The following NCAN variants were observed in gnomAD, a reference collection of about 807,000 sequenced individuals.
NCAN encodes neurocan.
Under a neutral mutation model 121.8 loss-of-function variants are expected in NCAN, and 47 were observed. That is an observed-to-expected ratio of 0.39 (90% CI 0.31 to 0.49). The LOEUF is 0.49. Ranked by LOEUF, NCAN falls within the 20% of genes least tolerant of loss-of-function variation. The pLI is 0.92. For synonymous variants in NCAN, 633 were observed against 702.0 expected (o/e 0.90, Z 1.55); for missense variants, 1,517 against 1,773.4 (o/e 0.86, Z 2.60).
chr19:19,234,028 T>C, intron 9 of NCAN, 123 bp downstream of exon 9: 1 of 636,438 alleles, frequency 1.6e-6, no homozygotes. Flanking sequence ...GATGCTCCAT[T>C]CCCAAACCCC....
intron 12 of NCAN, among the ~76,000 whole-genome samples, chr19:19,242,188 C>T (rs1176038569): frequency 6.6e-6 from 1 of 151,958 alleles, no homozygotes; most frequent in East Asian, 1.9e-4. Context: ...GAGCAGGACT[C>T]CATCTCCAAA....
chr19:19,228,586 G>A lies in NCAN; in HGVS notation c.2966G>A (p.Ser989Asn), dbSNP rs765250476. ...GVESFWEEVA[S>N]GEEPALPGTP... ...GAGAGCTTCTGGGAGGAGGTGGCAA[G>A]TGGAGAGGAGCCAGCCCTGCCAGGG... The change falls in exon 8 of 15, where the codon AGT (serine) becomes AAT (asparagine). Residue 989 changes from serine to asparagine, a missense_variant. Ser to Asn is a conservative substitution (Grantham distance 46). Coordinates refer to ENST00000252575, the MANE Select transcript of NCAN (RefSeq NM_004386.3). 2.5e-5 allele frequency: 41 copies of A among 1,612,784 alleles called. No homozygotes were observed. The highest frequency in any genetic ancestry group is 3.3e-5 in the Non-Finnish European group (39 of 1,179,926).
In NCAN at chr19:19,219,030, G is replaced by A; in HGVS notation, c.189G>A (p.Leu63=). Residue 63 remains leucine, a synonymous_variant, in exon 3 of 15, where the codon CTG becomes CTA. Coordinates refer to ENST00000252575, the MANE Select transcript of NCAN (RefSeq NM_004386.3). The part of the protein sequence containing the change: ...ELVALPCLFT[L]QPRPSAARDA... ...TGGCCCTGCCCTGTCTCTTTACCCT[G>A]CAGCCACGGCCAAGCGCAGCCCGAG... is the stretch of plus-strand genomic sequence containing the variant. 1.2e-6 allele frequency: 2 copies of A among 1,611,240 alleles called. No individual in the cohort carries two copies. Among genetic ancestry groups the A allele is most frequent in the Non-Finnish European group, 1.7e-6 (2 of 1,178,442 alleles).
chr19:19,233,252 T>A (rs1201730076), intron 8 of NCAN, among the ~76,000 whole-genome samples: 1 of 151,996 alleles, frequency 6.6e-6, no homozygotes, highest in East Asian at 1.9e-4. Context: ...TTTAATTTAA[T>A]TTTTCAAAAA....
chr19:19,225,278 C>A lies in NCAN; in HGVS notation c.1072+8C>A. On this transcript the variant is annotated splice_region_variant and intron_variant, in intron 6 of 14. Transcript: ENST00000252575. This position sits in a 1 kb window ranked among gnomAD's most constrained non-coding sequence, Gnocchi z 4.0. ...ACGCCTACTGCTTCCGAGGTGCGTG[C>A]GTCCCCTGGTGGCCGCGCCCCCAGG... 1 of 1,515,832 alleles carries A rather than the reference C, an allele frequency of 6.6e-7. No homozygotes were observed. The highest frequency in any genetic ancestry group is 8.7e-7 in the Non-Finnish European group (1 of 1,147,890). 93.9% of individuals were successfully genotyped at this position (1,515,832 alleles called of 1,614,324 possible).
At chr19:19,247,424 T>C (rs146201696) in intron 13 of NCAN, among the ~76,000 whole-genome samples, 21 of 152,250 alleles carry the variant, frequency 1.4e-4, no homozygotes, top group African/African-American at 2.9e-4. Flanking sequence ...CAGCTAATTT[T>C]TTGTATTTTT....
chr19:19,229,010 C>A (rs1454014514), intron 8 of NCAN, among the ~76,000 whole-genome samples: 1 of 152,118 alleles, frequency 6.6e-6, no homozygotes, highest in Non-Finnish European at 1.5e-5. Flanking sequence ...GAGTTCAAGA[C>A]CAGCCTGGCC....
At chr19:19,249,116 G>T (rs1283743700) in intron 14 of NCAN, 3 of 469,058 alleles carry the variant, frequency 6.4e-6, no homozygotes, top group Non-Finnish European at 1.1e-5. Flanking sequence ...GTGCTCTGTT[G>T]CCCAGGCTGG....
chr19:19,243,985 C>T (rs1049755419), intron 12 of NCAN, among the ~76,000 whole-genome samples: 7 of 152,110 alleles, frequency 4.6e-5, no homozygotes, highest in Non-Finnish European at 8.8e-5. Context: ...TGAGCGAGAT[C>T]GCACCACTAC....
Position 19,227,279 on chromosome 19 carries a change from A to T in NCAN, c.1661-2A>T. Reference sequence around the variant, plus strand: ...GTAATGATTGCCTTGATGTTGTTGCAGGTTCTGCTGGTGGCAAGAGCTCCC... The same window carrying T: ...GTAATGATTGCCTTGATGTTGTTGCTGGTTCTGCTGGTGGCAAGAGCTCCC... On this transcript the variant is annotated splice_acceptor_variant, in intron 7 of 14. Transcript: ENST00000252575. LOFTEE classifies it high-confidence loss of function. The surrounding 1 kb of genome is among the most constrained non-coding windows in gnomAD (Gnocchi z 4.2). 6.5e-7 allele frequency: 1 copy of T among 1,542,356 alleles called. No homozygotes were observed. The highest frequency in any genetic ancestry group is 8.7e-7 in the Non-Finnish European group (1 of 1,145,780).
At chr19:19,235,419 C>T (rs565700111) in intron 10 of NCAN, among the ~76,000 whole-genome samples, 51 of 151,936 alleles carry the variant, frequency 3.4e-4, no homozygotes, top group African/African-American at 1.0e-3. Context: ...TACAGGCGCC[C>T]GCCACCACGC....
At chr19:19,223,877 TC>T in intron 3 of NCAN, 143 bp from the exon 4 acceptor site, 3 of 695,264 alleles carry the variant, frequency 4.3e-6, no homozygotes, top group South Asian at 4.6e-5. Flanking sequence ...TGGATCTTGC[TC>T]CCCACCCTCG....
intron 12 of NCAN, among the ~76,000 whole-genome samples, chr19:19,244,899 A>T (rs1253815622): frequency 1.3e-5 from 2 of 151,280 alleles, no homozygotes; most frequent in African/African-American, 2.4e-5. Flanking sequence ...TTTAGTGGTG[A>T]TGGGGTTTCA....
intron 13 of NCAN, among the ~76,000 whole-genome samples, chr19:19,246,840 C>T (rs1676361458): frequency 6.6e-6 from 1 of 152,128 alleles, no homozygotes; most frequent in Non-Finnish European, 1.5e-5. Flanking sequence ...CCGTGTCTGG[C>T]CTAACCAACT....
At chr19:19,224,942 C>T (rs2238674) in intron 5 of NCAN, 35 bp from the exon 6 acceptor site, 49,063 of 1,372,230 alleles carry the variant, frequency 0.036, 1,104 homozygotes, top group South Asian at 0.084. Flanking sequence ...GGAGGGTTCC[C>T]CAGCCCCCCT....
Position 19,227,357 on chromosome 19 carries a change from CAGCAGGGCCCCTGTCCTGGAGCTAGAGAA to C in NCAN, c.1741_1769del (p.Ala582GlyfsTer65), listed in dbSNP as rs2060841304. ...TGGTCCCACCCAGCATCTCAGGCCA[CAGCAGGGCCCCTGTCCTGGAGCTAGAGAA>C]AGCCGAGGGCCCCAGTGCCAGGCCA... On this transcript the variant is annotated frameshift_variant, in exon 8 of 15. Coordinates refer to ENST00000252575, the MANE Select transcript of NCAN (RefSeq NM_004386.3). LOFTEE classifies it high-confidence loss of function. This position sits in a 1 kb window ranked among gnomAD's most constrained non-coding sequence, Gnocchi z 4.2. 1 of 1,612,986 alleles carries C rather than the reference CAGCAGGGCCCCTGTCCTGGAGCTAGAGAA, an allele frequency of 6.2e-7. No individual in the cohort carries two copies.
rs1052955167 is a variant in NCAN, at chr19:19,252,090, C to T, written c.*2179C>T. The T allele has an allele frequency of 1.3e-5, 2 of 152,768 alleles. No homozygotes were observed. Among genetic ancestry groups the T allele is most frequent in the Non-Finnish European group, 2.9e-5 (2 of 68,104 alleles). The allele number at this position is 152,768 out of a possible 1,614,324, so 9.5% of individuals were successfully genotyped here. A position where few individuals can be genotyped will look rare whatever the true frequency, so the allele number is the denominator to read the frequency against. On this transcript the variant is annotated 3_prime_UTR_variant, in exon 15 of 15. Coordinates refer to ENST00000252575, the MANE Select transcript of NCAN (RefSeq NM_004386.3). ...GTCTGCGTGTGCCATGTGCGTGGCA[C>T]GCATATGAGTGTGTGTGCGTGTGAA...
intron 11 of NCAN, among the ~76,000 whole-genome samples, chr19:19,239,438 C>T (rs1347178174): frequency 2.2e-5 from 3 of 133,780 alleles, no homozygotes; most frequent in Non-Finnish European, 4.9e-5. Context: ...CTCCCTCTTC[C>T]CCATCCTCCC....
rs56279536 is a variant in NCAN, at chr19:19,214,727, GGTGTGTGTGTGTGTGT to G, written c.-7-2198_-7-2183del. Among the ~76,000 whole-genome samples the G allele has an allele frequency of 9.2e-5, 13 of 141,150 alleles. No individual in the cohort carries two copies. In the South Asian group the frequency reaches 9.3e-4, roughly 10 times the overall value. 92.6% of individuals were successfully genotyped at this position (141,150 alleles called of 152,430 possible). The stretch of plus-strand genomic sequence containing the variant: ...TGGATGTAGTCTGACCTGTTAACGG[GGTGTGTGTGTGTGTGT>G]GTGTGTGTGTGTGTGTGTGTGAGAG... On this transcript the variant is annotated intron_variant, in intron 1 of 14. Transcript: ENST00000252575.
Sources: allele counts gnomAD v4.1 joint callset (sites outside exome capture counted in the v4.1 genomes callset), GRCh38; gene constraint gnomAD v4.1.1; non-coding constraint Gnocchi (gnomAD v3.1); transcripts MANE v1.5; gene names NCBI Gene and HGNC (gene_info 2026-07-23, HGNC 2026-07-21).